The following PIBF1 variants were observed in gnomAD, a reference collection of about 807,000 sequenced individuals.
The protein encoded by PIBF1 is progesterone-induced-blocking factor 1.
In PIBF1, 90 loss-of-function variants were observed where a neutral mutation model predicts 112.5. That is an observed-to-expected ratio of 0.80 (90% CI 0.67 to 0.95). The LOEUF (loss-of-function observed/expected upper bound fraction) is 0.95. PIBF1 is among the 40% of genes least tolerant of loss of function. The pLI is 0.00. For synonymous variants in PIBF1, 301 were observed against 288.6 expected (o/e 1.04, Z -0.44); for missense variants, 915 against 852.3 (o/e 1.07, Z -0.92).
At chr13:72,921,638 A>G (rs184834668) in intron 13 of PIBF1, among the ~76,000 whole-genome samples, 11 of 152,308 alleles carry the variant, frequency 7.2e-5, no homozygotes, top group African/African-American at 2.6e-4. Flanking sequence ...GTTAATTTTT[A>G]GTACTTCCAT....
intron 12 of PIBF1, among the ~76,000 whole-genome samples, chr13:72,913,380 G>T (rs1255719726): frequency 6.6e-6 from 1 of 152,146 alleles, no homozygotes; most frequent in African/African-American, 2.4e-5. Context: ...GTTGAGGAGT[G>T]AAGTGTGCAA....
chr13:72,845,024 G>T (rs1218000812), intron 9 of PIBF1, among the ~76,000 whole-genome samples: 1 of 151,708 alleles, frequency 6.6e-6, no homozygotes, highest in Non-Finnish European at 1.5e-5. Flanking sequence ...AGAACATGTA[G>T]GTTTGTTGCA....
At chr13:72,827,187 A>T in intron 7 of PIBF1, 69 bp downstream of exon 7, 1 of 590,732 alleles carries the variant, frequency 1.7e-6, no homozygotes, top group Non-Finnish European at 2.7e-6. Flanking sequence ...CCCAGAGTAG[A>T]TTTGAAGGAG....
At chr13:72,919,306 C>A (rs1231406967) in intron 13 of PIBF1, among the ~76,000 whole-genome samples, 1 of 152,090 alleles carries the variant, frequency 6.6e-6, no homozygotes, top group Admixed American at 6.5e-5. Flanking sequence ...ATGGCTCTTA[C>A]CAGTTAAACT....
chr13:72,902,392 TAATA>T (rs1403785918), intron 11 of PIBF1, among the ~76,000 whole-genome samples: 4 of 145,264 alleles, frequency 2.8e-5, no homozygotes, highest in Admixed American at 6.8e-5. Flanking sequence ...GAAAAATAAT[TAATA>T]AATAAGGGCT....
At chr13:73,010,876 G>A (rs1192023825) in intron 17 of PIBF1, among the ~76,000 whole-genome samples, 1 of 103,400 alleles carries the variant, frequency 9.7e-6, no homozygotes, top group African/African-American at 4.1e-5. Flanking sequence ...GTCCAGGGTG[G>A]AGTGCAATGG....
intron 3 of PIBF1, among the ~76,000 whole-genome samples, chr13:72,794,283 G>A (rs1356225364): frequency 6.6e-6 from 1 of 152,190 alleles, no homozygotes; most frequent in Non-Finnish European, 1.5e-5. Flanking sequence ...TAAGAGGAAA[G>A]GATTTGGAGA....
At chr13:72,854,610 T>C (rs944172631) in intron 10 of PIBF1, among the ~76,000 whole-genome samples, 3 of 152,230 alleles carry the variant, frequency 2.0e-5, no homozygotes, top group Non-Finnish European at 4.4e-5. Context: ...TATATTTTAT[T>C]CACCTGTCAA....
intron 6 of PIBF1, among the ~76,000 whole-genome samples, chr13:72,824,254 T>A (rs1402023914): frequency 5.3e-5 from 8 of 151,208 alleles, no homozygotes; most frequent in Non-Finnish European, 1.0e-4. Flanking sequence ...TGACCTCAGG[T>A]GATCTGCCCA....
chr13:72,828,479 A>G (rs946749576), intron 8 of PIBF1, among the ~76,000 whole-genome samples: 1 of 151,502 alleles, frequency 6.6e-6, no homozygotes, highest in African/African-American at 2.4e-5. Flanking sequence ...CCCTGTGTCC[A>G]CGTGTTCTCA....
chr13:72,993,866 A>T (rs1340721961), intron 16 of PIBF1, among the ~76,000 whole-genome samples: 2 of 152,130 alleles, frequency 1.3e-5, no homozygotes, highest in Non-Finnish European at 2.9e-5. Flanking sequence ...CTCTCAGAAC[A>T]TTAATAAATT....
chr13:72,863,438 T>G (rs2038782648), intron 10 of PIBF1, among the ~76,000 whole-genome samples: 1 of 151,578 alleles, frequency 6.6e-6, no homozygotes, highest in East Asian at 1.9e-4. Context: ...GATCACGAGG[T>G]CAGGAGATTG....
At chr13:72,817,929 C>T (rs1282480177) in intron 5 of PIBF1, among the ~76,000 whole-genome samples, 6 of 152,020 alleles carry the variant, frequency 3.9e-5, no homozygotes, top group Non-Finnish European at 7.4e-5. Context: ...GTAATAATTT[C>T]GTTTAAGGGG....
intron 9 of PIBF1, among the ~76,000 whole-genome samples, chr13:72,850,775 A>G (rs78241987): frequency 0.11 from 16,669 of 151,638 alleles, 1,132 homozygotes; most frequent in Non-Finnish European, 0.15. Context: ...AACTTTATCT[A>G]TAACATTAAT....
chr13:72,822,767 G>A lies in PIBF1; in HGVS notation c.806+785G>A, dbSNP rs545552327. Among the ~76,000 whole-genome samples, 4 of 152,322 alleles carry A rather than the reference G, an allele frequency of 2.6e-5. No individual in the cohort carries two copies. The East Asian group carries it at 7.7e-4, about 29-fold the overall frequency. Reference sequence around the variant, plus strand: ...ATTGCATAATACCGTATGTGAATTTGCAAAGATTTGTGGATAGAAGATTGT... The same window carrying A: ...ATTGCATAATACCGTATGTGAATTTACAAAGATTTGTGGATAGAAGATTGT... On this transcript the variant is annotated intron_variant, in intron 6 of 17. Transcript: ENST00000326291.
At chr13:72,827,352 G>A (rs1418257823) in intron 7 of PIBF1, among the ~76,000 whole-genome samples, 3 of 144,676 alleles carry the variant, frequency 2.1e-5, no homozygotes, top group Non-Finnish European at 4.5e-5. Flanking sequence ...AGGTTCAAAC[G>A]ATTCTCCTGC....
At chr13:72,840,453 A>G (rs1264374888) in intron 9 of PIBF1, among the ~76,000 whole-genome samples, 2 of 152,022 alleles carry the variant, frequency 1.3e-5, no homozygotes, top group African/African-American at 2.4e-5. Flanking sequence ...TGCTGTTACA[A>G]TAAGTTGAAA....
At chr13:72,898,688 A>AT (rs2040371499) in intron 11 of PIBF1, among the ~76,000 whole-genome samples, 1 of 150,710 alleles carries the variant, frequency 6.6e-6, no homozygotes, top group Non-Finnish European at 1.5e-5. Context: ...AATGCAAAAA[A>AT]AAAAAAAAAA....
At chr13:72,850,458 AG>A (rs1411692524) in intron 9 of PIBF1, among the ~76,000 whole-genome samples, 2 of 152,152 alleles carry the variant, frequency 1.3e-5, no homozygotes, top group African/African-American at 4.8e-5. Flanking sequence ...TCCTTTCACA[AG>A]CCCTGATGTT....
Sources: gnomAD v4.1 joint callset for allele counts (sites outside exome capture counted in the v4.1 genomes callset) on GRCh38, gnomAD v4.1.1 for gene constraint, MANE v1.5 for transcripts, NCBI Gene and HGNC (gene_info 2026-07-23, HGNC 2026-07-21) for gene names.